CERS6: variants seen among roughly 807,000 people sequenced by gnomAD.
CERS6 encodes LAG1 homolog, ceramide synthase 6.
In CERS6, 26 loss-of-function variants were observed where a neutral mutation model predicts 56.8. That is an observed-to-expected ratio of 0.46 (90% CI 0.34 to 0.63). The LOEUF (loss-of-function observed/expected upper bound fraction) is 0.63, where lower values mean the gene tolerates loss of function less well. CERS6 is among the 30% of genes least tolerant of loss of function. The pLI is 0.01. For synonymous variants in CERS6, 164 were observed against 173.3 expected, an observed-to-expected ratio of 0.95 and a Z score of 0.42; for missense variants, 415 against 467.5, an observed-to-expected ratio of 0.89 and a Z score of 1.04.
At chr2:168,699,102 C>G (rs1287540414) in intron 6 of CERS6, among the ~76,000 whole-genome samples, 4 of 152,160 alleles carry the variant, frequency 2.6e-5, no homozygotes, top group Non-Finnish European at 5.9e-5. Flanking sequence ...TGCTTTTCCC[C>G]TTTGCGTCTT....
intron 1 of CERS6, among the ~76,000 whole-genome samples, chr2:168,524,169 G>A (rs1278191433): frequency 2.0e-5 from 3 of 152,164 alleles, no homozygotes; most frequent in Non-Finnish European, 4.4e-5. Context: ...TGTGTTTTAT[G>A]CAAAAGGAAG....
chr2:168,658,341 G>T lies in CERS6; in HGVS notation c.465+27299G>T, dbSNP rs990933510. 1.3e-5 allele frequency among the ~76,000 whole-genome samples: 2 copies of T among 152,174 alleles called. 1 individual carries two copies. The highest frequency in any genetic ancestry group is 4.1e-4 in the South Asian group (2 of 4,830). On this transcript the variant is annotated intron_variant, in intron 4 of 9. Coordinates refer to ENST00000305747, the MANE Select transcript of CERS6 (RefSeq NM_203463.3). ...CTCCCCGGCCTGGTCAAATTTTGAGGCCTCTGTTGCCTTTGCGTTGTTATG... is the reference window on the plus strand; with the variant it reads ...CTCCCCGGCCTGGTCAAATTTTGAGTCCTCTGTTGCCTTTGCGTTGTTATG...
At chr2:168,634,154 T>C (rs956203785) in intron 4 of CERS6, among the ~76,000 whole-genome samples, 2 of 152,248 alleles carry the variant, frequency 1.3e-5, no homozygotes, top group Non-Finnish European at 2.9e-5. Context: ...TCAGTAAAGT[T>C]ACTGCTGTGT....
At chr2:168,710,064 G>T (rs1343929643) in intron 6 of CERS6, among the ~76,000 whole-genome samples, 1 of 152,112 alleles carries the variant, frequency 6.6e-6, no homozygotes, top group Non-Finnish European at 1.5e-5. Flanking sequence ...GCATAACTGT[G>T]AGTCCTTCAG....
rs989821665 is a variant in CERS6, at chr2:168,714,987, C to T, written c.610-14C>T. On this transcript the variant is annotated splice_polypyrimidine_tract_variant and intron_variant, in intron 6 of 9. Coordinates refer to ENST00000305747, the MANE Select transcript of CERS6 (RefSeq NM_203463.3). ...TTGCTAAACTCTAATATGGATGTTT[C>T]TTCTTTCCTCAAGGACTTTGGCATT... The T allele has an allele frequency of 2.5e-6, 4 of 1,596,474 alleles. No homozygotes were observed. Among genetic ancestry groups the T allele is most frequent in the East Asian group, 2.2e-5 (1 of 44,496 alleles).
Position 168,772,458 on chromosome 2 carries a change from A to C in CERS6, c.*2796A>C, listed in dbSNP as rs1684888526. 6.6e-6 allele frequency: 1 copy of C among 152,618 alleles called. No homozygotes were observed. The highest frequency in any genetic ancestry group is 2.4e-5 in the African/African-American group (1 of 41,450). The allele number at this position is 152,618 out of a possible 1,614,324, so 9.5% of individuals were successfully genotyped here. A position where few individuals can be genotyped will look rare whatever the true frequency, so the allele number is the denominator to read the frequency against. On this transcript the variant is annotated 3_prime_UTR_variant, in exon 10 of 10. Transcript: ENST00000305747. ...TTCTCCAAAAAGTGATAAAACCAAAATATCACTGACTCATCCCTACCCATA... is the reference window on the plus strand; with the variant it reads ...TTCTCCAAAAAGTGATAAAACCAAACTATCACTGACTCATCCCTACCCATA...
chr2:168,758,070 G>A (rs1684466669), intron 8 of CERS6, among the ~76,000 whole-genome samples: 2 of 152,220 alleles, frequency 1.3e-5, no homozygotes, highest in South Asian at 2.1e-4. Flanking sequence ...TTTTTGTTCG[G>A]AGTGAATTTT....
intron 4 of CERS6, among the ~76,000 whole-genome samples, chr2:168,652,602 GAATT>G (rs1162633896): frequency 6.8e-6 from 1 of 147,718 alleles, no homozygotes; most frequent in African/African-American, 2.5e-5. Context: ...AAAAATTAAT[GAATT>G]GTTGTTTTTT....
intron 7 of CERS6, among the ~76,000 whole-genome samples, chr2:168,716,787 T>C (rs1687237462): frequency 6.6e-6 from 1 of 152,144 alleles, no homozygotes; most frequent in South Asian, 2.1e-4. Flanking sequence ...TAAAAGCTTA[T>C]AATCCTAACT....
intron 3 of CERS6, among the ~76,000 whole-genome samples, chr2:168,567,375 A>G (rs1268395125): frequency 6.6e-6 from 1 of 152,226 alleles, no homozygotes; most frequent in Non-Finnish European, 1.5e-5. Flanking sequence ...ATAAATGGCC[A>G]TGAAATAAAT....
rs1040448109 is a variant in CERS6 at position 168,688,411 on chromosome 2, G to C, written c.466-2623G>C. On this transcript the variant is annotated intron_variant, in intron 4 of 9. Transcript: ENST00000305747. ...CAGCCTGGCGACAAAGTGAGACTCC[G>C]TCTCAAAAAAAAAAAAAAAGAAGTT... Among the ~76,000 whole-genome samples the C allele has an allele frequency of 1.1e-3, 93 of 83,336 alleles. 1 individual carries two copies. Among genetic ancestry groups the C allele is most frequent in the African/African-American group, 2.9e-3 (88 of 30,078 alleles). 54.7% of individuals were successfully genotyped at this position (83,336 alleles called of 152,430 possible). A position where few individuals can be genotyped will look rare whatever the true frequency, so the allele number is the denominator to read the frequency against.
At chr2:168,504,719 A>G (rs1376323818) in intron 1 of CERS6, among the ~76,000 whole-genome samples, 1 of 151,998 alleles carries the variant, frequency 6.6e-6, no homozygotes, top group Non-Finnish European at 1.5e-5. Flanking sequence ...ATCCCTTTCC[A>G]TTTGGTTTCT....
At chr2:168,477,183 GAGA>G (rs1694090038) in intron 1 of CERS6, among the ~76,000 whole-genome samples, 3 of 122,524 alleles carry the variant, frequency 2.4e-5, no homozygotes, top group East Asian at 3.0e-4. Context: ...CAGAGAGAGA[GAGA>G]GAGAGAGAGA....
chr2:168,687,059 G>C (rs1187023131), intron 4 of CERS6, among the ~76,000 whole-genome samples: 2 of 152,086 alleles, frequency 1.3e-5, no homozygotes, highest in Non-Finnish European at 2.9e-5. Context: ...CCCTTCAATA[G>C]GAATGGAGAA....
At chr2:168,760,186 T>G (rs1268167094) in intron 8 of CERS6, among the ~76,000 whole-genome samples, 1 of 152,036 alleles carries the variant, frequency 6.6e-6, no homozygotes, top group Non-Finnish European at 1.5e-5. Flanking sequence ...ATACAGGAGT[T>G]TATTAAGTAT....
rs3814378 is a variant in CERS6 at position 168,773,982 on chromosome 2, A to G, written c.*4320A>G. 1 of 151,856 alleles carries G rather than the reference A, an allele frequency of 6.6e-6. No homozygotes were observed. The highest frequency in any genetic ancestry group is 1.5e-5 in the Non-Finnish European group (1 of 67,928). The allele number at this position is 151,856 out of a possible 1,614,324, so 9.4% of individuals were successfully genotyped here. On this transcript the variant is annotated 3_prime_UTR_variant, in exon 10 of 10. Transcript: ENST00000305747. ...TCTGATGCTTGTTTTCGTGGAGAAA[A>G]TTGTATTGGAGAACTTAAAACATCA...
chr2:168,492,274 A>G (rs1694388271), intron 1 of CERS6, among the ~76,000 whole-genome samples: 2 of 152,186 alleles, frequency 1.3e-5, no homozygotes, highest in Admixed American at 6.5e-5. Flanking sequence ...CATCCTCTCC[A>G]GCATCTGTCG....
Position 168,695,050 on chromosome 2 carries a change from AG to A in CERS6, c.609+1del, listed in dbSNP as rs753787940. On this transcript the variant is annotated frameshift_variant and splice_region_variant, in exon 6 of 10. Transcript: ENST00000305747. LOFTEE classifies it high-confidence loss of function. Reference sequence around the variant, plus strand: ...TCTCAGTTCACTGATATCAAAAGAAAGGTAAGAGCGGTTATGTCGTAAAGTG... The same window carrying A: ...TCTCAGTTCACTGATATCAAAAGAAAGTAAGAGCGGTTATGTCGTAAAGTG... ...MFSQFTDIKR[K>X]DFGIMFLHHL... is the part of the protein sequence containing the mutation. 1 of 1,611,518 alleles carries A rather than the reference AG, an allele frequency of 6.2e-7. No homozygotes were observed. Among genetic ancestry groups the A allele is most frequent in the Non-Finnish European group, 8.5e-7 (1 of 1,177,810 alleles).
chr2:168,656,585 G>A (rs907820607), intron 4 of CERS6, among the ~76,000 whole-genome samples: 1 of 151,970 alleles, frequency 6.6e-6, no homozygotes, highest in Admixed American at 6.6e-5. Context: ...CTTTCCTCCC[G>A]GTGGGCTCGT....
Sources: gnomAD v4.1 joint callset for allele counts (sites outside exome capture counted in the v4.1 genomes callset) on GRCh38, gnomAD v4.1.1 for gene constraint, MANE v1.5 for transcripts, NCBI Gene and HGNC (gene_info 2026-07-23, HGNC 2026-07-21) for gene names.